RGS20: variants seen among roughly 807,000 people sequenced by gnomAD.
The protein encoded by RGS20 is regulator of G protein signaling 20.
RGS20 carries 30 observed loss-of-function variants against 33.6 expected under a neutral mutation model. The ratio of observed to expected loss-of-function variants is 0.89; its 90% confidence interval spans 0.67 to 1.21. The LOEUF is 1.21. Ranked by LOEUF, RGS20 falls within the 50% of genes most tolerant of loss-of-function variation. The pLI is 0.00. For missense variants in RGS20, 472 were observed against 502.4 expected (o/e 0.94, Z 0.58); for synonymous variants, 208 against 197.9 (o/e 1.05, Z -0.43).
chr8:53,885,144 C>T (rs1188884239), intron 2 of RGS20, among the ~76,000 whole-genome samples: 1 of 152,146 alleles, frequency 6.6e-6, no homozygotes, highest in Admixed American at 6.5e-5. Context: ...AAGAGAAAAG[C>T]TTTCTTATTT....
intron 5 of RGS20, among the ~76,000 whole-genome samples, chr8:53,956,535 G>A (rs1814867820): frequency 6.6e-6 from 1 of 152,152 alleles, no homozygotes; most frequent in Admixed American, 6.6e-5. Context: ...AGCTGAAGAC[G>A]CTAGAGAGGA....
In RGS20 at chr8:53,933,008, C is replaced by T. The variant is rs148002936; in HGVS notation, c.511-6568C>T. Among the ~76,000 whole-genome samples the T allele has an allele frequency of 9.9e-5, 15 of 152,254 alleles. No homozygotes were observed. In the East Asian group the frequency reaches 2.9e-3, roughly 29 times the overall value. On this transcript the variant is annotated intron_variant, in intron 2 of 5. Transcript: ENST00000297313. ...TGGACCTCCAGCAAACTCCAGCAGA[C>T]CTGCAGCAGAGGGGCCTGTTAGAAG...
At chr8:53,865,195 T>G (rs1811893004) in intron 1 of RGS20, among the ~76,000 whole-genome samples, 3 of 152,230 alleles carry the variant, frequency 2.0e-5, no homozygotes, top group Non-Finnish European at 2.9e-5. Flanking sequence ...GTCTTGTTTG[T>G]TGATTTTCAG....
Position 53,939,603 on chromosome 8 carries a change from C to A in RGS20, c.538C>A (p.Arg180=), listed in dbSNP as rs200019464. Reference sequence around the variant, plus strand: ...GATGGGATCAGAGCGGATGGAGATGCGGAAGCGGCAGATGCCCGCCGCCCA... The same window carrying A: ...GATGGGATCAGAGCGGATGGAGATGAGGAAGCGGCAGATGCCCGCCGCCCA... Residue 180 remains arginine, a synonymous_variant, in exon 3 of 6, where the codon CGG becomes AGG. Coordinates refer to ENST00000297313, the MANE Select transcript of RGS20 (RefSeq NM_170587.4). 75 of 1,602,928 alleles carry A rather than the reference C, an allele frequency of 4.7e-5. No homozygotes were observed. The African/African-American group carries it at 8.3e-4, about 18-fold the overall frequency.
At chr8:53,957,043 T>A (rs1011855324) in intron 5 of RGS20, among the ~76,000 whole-genome samples, 2 of 152,132 alleles carry the variant, frequency 1.3e-5, no homozygotes, top group African/African-American at 4.8e-5. Context: ...ATCATCATCA[T>A]CCCCACTTCA....
chr8:53,910,901 G>A (rs1337533400), intron 2 of RGS20, among the ~76,000 whole-genome samples: 1 of 152,112 alleles, frequency 6.6e-6, no homozygotes, highest in Non-Finnish European at 1.5e-5. Context: ...AATCTACAAA[G>A]TAATAATATA....
chr8:53,908,112 G>A (rs563982838), intron 2 of RGS20, among the ~76,000 whole-genome samples: 6 of 152,220 alleles, frequency 3.9e-5, no homozygotes, highest in East Asian at 3.9e-4. Context: ...TATTGAAAAC[G>A]GCATATGCAT....
At chr8:53,911,355 G>A (rs1222236284) in intron 2 of RGS20, among the ~76,000 whole-genome samples, 2 of 152,100 alleles carry the variant, frequency 1.3e-5, no homozygotes, top group Non-Finnish European at 2.9e-5. Context: ...CCAATTCTTT[G>A]GAAACAGAAC....
chr8:53,888,090 C>T (rs1359818465), intron 2 of RGS20, among the ~76,000 whole-genome samples: 1 of 152,006 alleles, frequency 6.6e-6, no homozygotes, highest in African/African-American at 2.4e-5. Flanking sequence ...TTTACAAATA[C>T]TTATTTCTAG....
chr8:53,861,112 A>T (rs1229359607), intron 1 of RGS20, among the ~76,000 whole-genome samples: 1 of 152,234 alleles, frequency 6.6e-6, no homozygotes, highest in Admixed American at 6.5e-5. Flanking sequence ...TGAAGTAGAC[A>T]GCCCTGATTT....
intron 2 of RGS20, among the ~76,000 whole-genome samples, chr8:53,896,482 T>A (rs1380971171): frequency 1.3e-5 from 2 of 152,216 alleles, no homozygotes; most frequent in African/African-American, 4.8e-5. Context: ...GGTCCCTCAC[T>A]GAAAACATTT....
intron 2 of RGS20, chr8:53,913,969 G>A (rs891827251): frequency 1.3e-5 from 2 of 151,738 alleles, no homozygotes; most frequent in African/African-American, 4.9e-5. Flanking sequence ...TTCTGGCCTT[G>A]GCTATATTTT....
intron 1 of RGS20, among the ~76,000 whole-genome samples, chr8:53,866,594 C>A (rs924048295): frequency 6.6e-6 from 1 of 152,096 alleles, no homozygotes; most frequent in Non-Finnish European, 1.5e-5. Flanking sequence ...TTTGGCCAGA[C>A]TGGTCTTGAA....
chr8:53,895,023 C>T (rs946959702), intron 2 of RGS20, among the ~76,000 whole-genome samples: 3 of 151,970 alleles, frequency 2.0e-5, no homozygotes, highest in Non-Finnish European at 2.9e-5. Flanking sequence ...GAAAGCTGTG[C>T]GGGGAGAGGG....
intron 1 of RGS20, among the ~76,000 whole-genome samples, chr8:53,873,883 C>A (rs1414242393): frequency 6.6e-6 from 1 of 152,188 alleles, no homozygotes; most frequent in East Asian, 1.9e-4. Flanking sequence ...GGATTTTACT[C>A]TGAAATGAGA....
chr8:53,894,630 G>C (rs1812802963), intron 2 of RGS20, among the ~76,000 whole-genome samples: 1 of 152,156 alleles, frequency 6.6e-6, no homozygotes, highest in South Asian at 2.1e-4. Flanking sequence ...TGGTATGAGG[G>C]GCACAGTTCT....
At chr8:53,909,207 GTGTATATATATATATATATATATATA>G (rs1236746038) in intron 2 of RGS20, among the ~76,000 whole-genome samples, 11 of 83,140 alleles carry the variant, frequency 1.3e-4, no homozygotes, top group South Asian at 4.2e-4. Context: ...TATGGTATGT[GTGTATATATATATATATATATATATA>G]TATATATATA....
At chr8:53,883,656 G>A (rs1812460335) in intron 2 of RGS20, among the ~76,000 whole-genome samples, 2 of 151,972 alleles carry the variant, frequency 1.3e-5, no homozygotes, top group African/African-American at 4.8e-5. Context: ...ACCTACCTCG[G>A]CAGCTCAGCA....
At chr8:53,868,414 G>A (rs1811968207) in intron 1 of RGS20, among the ~76,000 whole-genome samples, 1 of 152,108 alleles carries the variant, frequency 6.6e-6, no homozygotes, top group Admixed American at 6.6e-5. Flanking sequence ...GTGGGTCTGG[G>A]GAGCCAGTTC....
Sources: allele counts gnomAD v4.1 joint callset (sites outside exome capture counted in the v4.1 genomes callset), GRCh38; gene constraint gnomAD v4.1.1; transcripts MANE v1.5; gene names NCBI Gene and HGNC (gene_info 2026-07-23, HGNC 2026-07-21).